PPP6R2: variants seen among roughly 807,000 people sequenced by gnomAD.
PPP6R2 encodes serine/threonine-protein phosphatase 6 regulatory subunit 2.
Under a neutral mutation model 100.2 loss-of-function variants are expected in PPP6R2, and 62 were observed. That is an observed-to-expected ratio of 0.62 (90% CI 0.50 to 0.76). The LOEUF (loss-of-function observed/expected upper bound fraction) is 0.76. PPP6R2 is among the 30% of genes least tolerant of loss of function. PPP6R2 has a pLI of 0.00. For synonymous variants in PPP6R2, 525 were observed against 514.7 expected, an observed-to-expected ratio of 1.02 and a Z score of -0.27; for missense variants, 1,142 against 1,276.3, an observed-to-expected ratio of 0.89 and a Z score of 1.60.
At chr22:50,397,664 A>G (rs1603187245) in intron 3 of PPP6R2, among the ~76,000 whole-genome samples, 2 of 94,186 alleles carry the variant, frequency 2.1e-5, no homozygotes, top group Non-Finnish European at 3.8e-5. Flanking sequence ...CTTTTCTCTG[A>G]GGAGTGTGAC....
At chr22:50,387,753 G>C (rs1189162207) in intron 2 of PPP6R2, among the ~76,000 whole-genome samples, 1 of 152,202 alleles carries the variant, frequency 6.6e-6, no homozygotes, top group African/African-American at 2.4e-5. Flanking sequence ...GAGGGCTCAG[G>C]TTGGGCCACC....
Position 50,444,008 on chromosome 22 carries a change from ACCCCAGCAGTCTCTTCTGCACTGG to A in PPP6R2, c.2725_2748del (p.Pro909_Ala916del), listed in dbSNP as rs763030511. Reference sequence around the variant, plus strand: ...GAGCAAGGCTGGCCCCGCCATACCCACCCCAGCAGTCTCTTCTGCACTGGCCGTGGCGGTCCCCCTAGGGCCCAT... The same window carrying A: ...GAGCAAGGCTGGCCCCGCCATACCCACCGTGGCGGTCCCCCTAGGGCCCAT... On this transcript the variant is annotated inframe_deletion, in exon 23 of 24. Coordinates refer to ENST00000612753, the MANE Select transcript of PPP6R2 (RefSeq NM_001242898.2). 1 of 1,613,166 alleles carries A rather than the reference ACCCCAGCAGTCTCTTCTGCACTGG, an allele frequency of 6.2e-7. No homozygotes were observed.
chr22:50,409,477 A>C (rs2059435245), intron 4 of PPP6R2, among the ~76,000 whole-genome samples: 1 of 151,944 alleles, frequency 6.6e-6, no homozygotes, highest in Non-Finnish European at 1.5e-5. Context: ...CGCCAGGCTG[A>C]AGTGCAGTGG....
At chr22:50,370,554 T>C (rs1039313901) in intron 1 of PPP6R2, among the ~76,000 whole-genome samples, 1 of 152,170 alleles carries the variant, frequency 6.6e-6, no homozygotes, top group Non-Finnish European at 1.5e-5. Context: ...CCCAAAGTGC[T>C]GGGATTACAG....
intron 10 of PPP6R2, among the ~76,000 whole-genome samples, chr22:50,430,779 C>T (rs2062978218): frequency 6.8e-6 from 1 of 148,114 alleles, no homozygotes; most frequent in Non-Finnish European, 1.5e-5. Context: ...GAGGCTGAGG[C>T]AGGAGAATCA....
intron 1 of PPP6R2, among the ~76,000 whole-genome samples, chr22:50,356,885 G>T (rs1468001394): frequency 2.6e-5 from 4 of 151,776 alleles, no homozygotes; most frequent in Non-Finnish European, 5.9e-5. Context: ...AGTGAGGCAA[G>T]ATCGTGCCAC....
At chr22:50,395,632 C>T (rs10428053) in intron 3 of PPP6R2, among the ~76,000 whole-genome samples, 1,882 of 152,258 alleles carry the variant, frequency 0.012, 37 homozygotes, top group African/African-American at 0.043. Context: ...ATGATCTCGG[C>T]TCACTAGAGT....
At chr22:50,383,315 C>T (rs939269935) in intron 2 of PPP6R2, among the ~76,000 whole-genome samples, 11 of 152,128 alleles carry the variant, frequency 7.2e-5, no homozygotes, top group Admixed American at 2.6e-4. Flanking sequence ...TGGTCCTGGT[C>T]TCATTAAGAA....
intron 2 of PPP6R2, chr22:50,393,309 G>A (rs1313011882): frequency 2.4e-6 from 2 of 824,050 alleles, no homozygotes; most frequent in East Asian, 2.5e-4. Context: ...CGGGTGGCTG[G>A]GGGAGGCAGA....
At chr22:50,398,070 C>T (rs192561772) in intron 3 of PPP6R2, among the ~76,000 whole-genome samples, 119 of 152,136 alleles carry the variant, frequency 7.8e-4, no homozygotes, top group African/African-American at 2.9e-3. Flanking sequence ...TGGTGGCTCA[C>T]GCTGGTAATC....
intron 2 of PPP6R2, chr22:50,391,736 T>G (rs572323560): frequency 6.6e-6 from 1 of 151,924 alleles, no homozygotes; most frequent in South Asian, 2.1e-4. Context: ...TCTGTTTTTG[T>G]TGCTTATCTC....
At chr22:50,400,918 T>C (rs181820381) in intron 3 of PPP6R2, among the ~76,000 whole-genome samples, 34 of 152,352 alleles carry the variant, frequency 2.2e-4, no homozygotes, top group Non-Finnish European at 1.8e-4. Context: ...CTGGGACTTC[T>C]AATGAGGTGT....
intron 3 of PPP6R2, among the ~76,000 whole-genome samples, chr22:50,397,070 C>T (rs944377778): frequency 6.6e-6 from 1 of 152,086 alleles, no homozygotes; most frequent in Non-Finnish European, 1.5e-5. Flanking sequence ...CATCAGTGAG[C>T]CGGGAGAGTC....
At chr22:50,425,810 C>T (rs1428652305) in intron 10 of PPP6R2, among the ~76,000 whole-genome samples, 2 of 151,616 alleles carry the variant, frequency 1.3e-5, no homozygotes, top group Non-Finnish European at 1.5e-5. Flanking sequence ...GCTTTTTGGC[C>T]ATGTGAATAG....
In PPP6R2 at chr22:50,414,425, C is replaced by A. The variant is rs1023530778; in HGVS notation, c.415-127C>A. On this transcript the variant is annotated intron_variant, in intron 4 of 23. Transcript: ENST00000612753. Reference sequence around the variant, plus strand: ...TGAGGGGGCTTTCTTACAATCTTGTCTGGGTCTTTCCGTTATTTCTGCTTA... The same window carrying A: ...TGAGGGGGCTTTCTTACAATCTTGTATGGGTCTTTCCGTTATTTCTGCTTA... The A allele has an allele frequency of 8.1e-6, 8 of 989,272 alleles. No individual in the cohort carries two copies. The African/African-American group carries it at 1.2e-4, about 15-fold the overall frequency. The allele number at this position is 989,272 out of a possible 1,614,324, so 61.3% of individuals were successfully genotyped here.
At chr22:50,382,836 A>ATTTTTTTTTTTTTTTTTTTTT (rs532410577) in intron 2 of PPP6R2, among the ~76,000 whole-genome samples, 1 of 141,278 alleles carries the variant, frequency 7.1e-6, no homozygotes. Context: ...TTACAAGCAA[A>ATTTTTTTTTTTTTTTTTTTTT]TTTTTTTTTT....
intron 4 of PPP6R2, among the ~76,000 whole-genome samples, chr22:50,410,918 C>CTAATCCT (rs2059660786): frequency 6.6e-6 from 1 of 152,018 alleles, no homozygotes; most frequent in South Asian, 2.1e-4. Flanking sequence ...CAGCCTCCCG[C>CTAATCCT]GTAGCCAGGA....
At chr22:50,419,197 G>A (rs2060968052) in intron 7 of PPP6R2, 152 bp from the exon 8 acceptor site, 2 of 742,804 alleles carry the variant, frequency 2.7e-6, no homozygotes, top group Non-Finnish European at 2.2e-6. Flanking sequence ...GCCAGCAGCA[G>A]CAGGAGTGTC....
chr22:50,339,203 T>C (rs766744914), upstream of PPP6R2, among the ~76,000 whole-genome samples: 4 of 145,162 alleles, frequency 2.8e-5, no homozygotes, highest in Non-Finnish European at 6.0e-5. Context: ...GTGTGTTGTA[T>C]GTGGTGTGTG....
Sources: gnomAD v4.1 joint callset for allele counts (sites outside exome capture counted in the v4.1 genomes callset) on GRCh38, gnomAD v4.1.1 for gene constraint, MANE v1.5 for transcripts, NCBI Gene and HGNC (gene_info 2026-07-23, HGNC 2026-07-21) for gene names.